Variants in NXPE1 observed in about 807,000 individuals in gnomAD.
NXPE1 encodes neurexophilin and PC-esterase domain family member 1, also known as NXPE family member 1.
NXPE1 carries 31 observed loss-of-function variants against 33.3 expected under a neutral mutation model. The observed-to-expected ratio is 0.93, with a 90% confidence interval of 0.70 to 1.26. The LOEUF (loss-of-function observed/expected upper bound fraction) is 1.26, where lower values mean the gene tolerates loss of function less well. Ranked by LOEUF, NXPE1 falls within the 50% of genes most tolerant of loss-of-function variation. The probability of loss-of-function intolerance (pLI) is 0.00; values close to 1 mark genes in which losing one functional copy is unlikely to be tolerated. For missense variants in NXPE1, 661 were observed against 655.6 expected (o/e 1.01, Z -0.09); for synonymous variants, 229 against 231.4 (o/e 0.99, Z 0.09).
At chr11:114,556,605 C>T (rs1161965196) in intron 1 of NXPE1, among the ~76,000 whole-genome samples, 1 of 152,000 alleles carries the variant, frequency 6.6e-6, no homozygotes, top group Non-Finnish European at 1.5e-5. Flanking sequence ...GGCTCCCACG[C>T]AGCATGATTC....
intron 5 of NXPE1, among the ~76,000 whole-genome samples, chr11:114,537,199 A>T (rs958643504): frequency 2.0e-5 from 3 of 152,352 alleles, no homozygotes; most frequent in South Asian, 2.1e-4. Context: ...ATCTCAATAG[A>T]TGCAGAAAGG....
At chr11:114,548,102 C>T (rs1555047502) in intron 5 of NXPE1, among the ~76,000 whole-genome samples, 1 of 151,750 alleles carries the variant, frequency 6.6e-6, no homozygotes. Context: ...AGAGATGAAG[C>T]AGGATACCAT....
rs558280612 is a variant in NXPE1 at position 114,522,040 on chromosome 11, G to A, written c.1572C>T (p.Gly524=). Residue 524 remains glycine, a synonymous_variant, in exon 9 of 9, where the codon GGC becomes GGT. Coordinates refer to ENST00000534921, the Ensembl canonical transcript of NXPE1. ...GATCAGGTGGGTGGATAGTGTCAGT[G>A]CCATATGCAATGGTCATGTCCCAGG... 1.9e-6 allele frequency: 3 copies of A among 1,613,748 alleles called. No individual in the cohort carries two copies. In the African/African-American group the frequency reaches 4.0e-5, roughly 22 times the overall value.
At chr11:114,545,549 G>T (rs1437727901) in intron 5 of NXPE1, among the ~76,000 whole-genome samples, 1 of 152,208 alleles carries the variant, frequency 6.6e-6, no homozygotes, top group Non-Finnish European at 1.5e-5. Context: ...ATCAATGGTT[G>T]CCAGAGATTT....
intron 1 of NXPE1, among the ~76,000 whole-genome samples, chr11:114,556,260 C>T (rs1223259655): frequency 2.0e-5 from 3 of 152,176 alleles, no homozygotes; most frequent in African/African-American, 4.8e-5. Flanking sequence ...TTTTACACCA[C>T]GTTCCTCCTT....
At chr11:114,535,210 A>G (rs1451032372) in intron 5 of NXPE1, among the ~76,000 whole-genome samples, 2 of 151,962 alleles carry the variant, frequency 1.3e-5, no homozygotes, top group African/African-American at 2.4e-5. Flanking sequence ...GAAATACAAT[A>G]CTTTACAGAC....
At chr11:114,549,981 A>T (rs1948417792) in intron 5 of NXPE1, among the ~76,000 whole-genome samples, 1 of 152,092 alleles carries the variant, frequency 6.6e-6, no homozygotes, top group African/African-American at 2.4e-5. Flanking sequence ...CAGCAAAATG[A>T]TAATAAAATA....
In NXPE1 at chr11:114,528,895, A is replaced by G. The variant is rs1004947870; in HGVS notation, c.834-994T>C. ...TAGGATTTAGGCATAAGGATGGTTG[A>G]TGGGTAGGAAGAGATTTGATGAGAT... On this transcript the variant is annotated intron_variant, in intron 6 of 8. Coordinates refer to ENST00000534921, the Ensembl canonical transcript of NXPE1. The G allele has an allele frequency of 1.2e-5, 7 of 597,454 alleles. No homozygotes were observed. In the African/African-American group the frequency reaches 1.3e-4, roughly 11 times the overall value. 37.0% of individuals were successfully genotyped at this position (597,454 alleles called of 1,614,324 possible).
chr11:114,554,023 TG>T, intron 1 of NXPE1: 2 of 985,476 alleles, frequency 2.0e-6, no homozygotes, highest in Non-Finnish European at 2.4e-6. Flanking sequence ...TTCTTCCAAA[TG>T]TCTTCTACTT....
intron 1 of NXPE1, chr11:114,554,187 G>A: frequency 1.0e-6 from 1 of 984,178 alleles, no homozygotes; most frequent in Non-Finnish European, 1.2e-6. Flanking sequence ...TTCATCAGCT[G>A]TAATAGAAAC....
At chr11:114,538,766 T>C (rs1474715688) in intron 5 of NXPE1, among the ~76,000 whole-genome samples, 3 of 151,976 alleles carry the variant, frequency 2.0e-5, no homozygotes. Flanking sequence ...ATGGCGATCA[T>C]TAAAAAGTCA....
intron 4 of NXPE1, 29 bp downstream of exon 4, chr11:114,551,354 C>T: frequency 7.1e-7 from 1 of 1,416,552 alleles, no homozygotes; most frequent in Non-Finnish European, 9.2e-7. Flanking sequence ...TGCTAACTAA[C>T]AACTCATACC....
intron 5 of NXPE1, 68 bp downstream of exon 5, chr11:114,551,035 T>A: frequency 1.2e-6 from 1 of 813,586 alleles, no homozygotes; most frequent in Non-Finnish European, 2.0e-6. Flanking sequence ...GGAGTGGGAC[T>A]GACTTGAGGC....
chr11:114,555,287 G>A (rs1948622241), intron 1 of NXPE1, among the ~76,000 whole-genome samples: 1 of 151,936 alleles, frequency 6.6e-6, no homozygotes, highest in African/African-American at 2.4e-5. Context: ...ACAGTGGTGA[G>A]ATCTCAGCTC....
chr11:114,553,723 C>T (rs74851526), intron 1 of NXPE1: 2 of 985,362 alleles, frequency 2.0e-6, no homozygotes, highest in South Asian at 9.4e-5. Context: ...TCTGCATATC[C>T]CAGTGTCTTT....
chr11:114,537,232 C>A (rs964048479), intron 5 of NXPE1, among the ~76,000 whole-genome samples: 79 of 152,206 alleles, frequency 5.2e-4, no homozygotes, highest in African/African-American at 1.8e-3. Context: ...ATTCAACAAC[C>A]CTTCATGCTA....
At chr11:114,552,158 T>A (rs1281460652) in intron 2 of NXPE1, 73 bp from the exon 3 acceptor site, 1 of 152,192 alleles carries the variant, frequency 6.6e-6, no homozygotes, top group African/African-American at 2.4e-5. Flanking sequence ...AAGTCCAAGA[T>A]GAAATTATTT....
intron 5 of NXPE1, among the ~76,000 whole-genome samples, chr11:114,545,691 C>CT (rs202218807): frequency 0.016 from 2,182 of 138,782 alleles, 25 homozygotes; most frequent in South Asian, 0.044. Context: ...AAGAGTGGAT[C>CT]TTTTTTTTTT....
intron 1 of NXPE1, among the ~76,000 whole-genome samples, chr11:114,556,518 C>A (rs975932624): frequency 6.6e-6 from 1 of 151,774 alleles, no homozygotes; most frequent in Non-Finnish European, 1.5e-5. Context: ...TGCAAGTCTG[C>A]AGTTTTCTGC....
Sources: allele counts gnomAD v4.1 joint callset (sites outside exome capture counted in the v4.1 genomes callset), GRCh38; gene constraint gnomAD v4.1.1; transcripts MANE v1.5; gene names NCBI Gene and HGNC (gene_info 2026-07-23, HGNC 2026-07-21).